The following PREX1 variants were observed in gnomAD, a reference collection of about 807,000 sequenced individuals.
The protein encoded by PREX1 is phosphatidylinositol 3,4,5-trisphosphate-dependent Rac exchanger 1 protein.
Under a neutral mutation model 198.3 loss-of-function variants are expected in PREX1, and 41 were observed. The observed-to-expected ratio is 0.21, with a 90% CI of 0.16 to 0.27. The LOEUF (loss-of-function observed/expected upper bound fraction) is 0.27, where lower values mean the gene tolerates loss of function less well. PREX1 is among the 10% of genes least tolerant of loss of function. The pLI is 1.00. For synonymous variants in PREX1, 843 were observed against 887.2 expected, an observed-to-expected ratio of 0.95 and a Z score of 0.89; for missense variants, 1,620 against 2,200.7, an observed-to-expected ratio of 0.74 and a Z score of 5.28.
At chr20:48,746,548 C>T (rs1324706562) in intron 2 of PREX1, among the ~76,000 whole-genome samples, 1 of 152,098 alleles carries the variant, frequency 6.6e-6, no homozygotes, top group African/African-American at 2.4e-5. Flanking sequence ...ATTTCAAGAA[C>T]AGGCAAAACC....
intron 7 of PREX1, among the ~76,000 whole-genome samples, chr20:48,696,760 G>A (rs2123058548): frequency 6.6e-6 from 1 of 152,280 alleles, no homozygotes; most frequent in Non-Finnish European, 1.5e-5. Flanking sequence ...TAGTTGGTAT[G>A]GGGATAATGA....
At chr20:48,812,388 AATAAT>A (rs1163870665) in intron 1 of PREX1, among the ~76,000 whole-genome samples, 1 of 151,608 alleles carries the variant, frequency 6.6e-6, no homozygotes, top group Non-Finnish European at 1.5e-5. Context: ...GGAATGGGTA[AATAAT>A]ATAAGAGGAA....
intron 1 of PREX1, among the ~76,000 whole-genome samples, chr20:48,764,665 C>A (rs2090199622): frequency 6.6e-6 from 1 of 151,866 alleles, no homozygotes; most frequent in African/African-American, 2.4e-5. Flanking sequence ...CACCTGTGGT[C>A]CCAGCTCTTG....
At chr20:48,852,025 C>T in the PREX1 span, among the ~76,000 whole-genome samples, 4 of 151,994 alleles carry the variant, frequency 2.6e-5, no homozygotes, top group South Asian at 2.1e-4. Context: ...TTAGCCCAAA[C>T]GTGTTTTGCT....
intron 1 of PREX1, among the ~76,000 whole-genome samples, chr20:48,821,036 C>A (rs1317470343): frequency 6.6e-6 from 1 of 152,090 alleles, no homozygotes; most frequent in Non-Finnish European, 1.5e-5. Context: ...CCTGTCTCTA[C>A]TAAAAAAATA....
intron 7 of PREX1, among the ~76,000 whole-genome samples, chr20:48,698,822 A>G (rs2089860232): frequency 1.3e-5 from 2 of 152,178 alleles, no homozygotes; most frequent in South Asian, 4.1e-4. Flanking sequence ...TGTGCTGTGC[A>G]CTCACTATGT....
Position 48,627,678 on chromosome 20 carries a change from G to C in PREX1, c.4870-63C>G, listed in dbSNP as rs80011299. On this transcript the variant is annotated intron_variant, in intron 38 of 39. Transcript: ENST00000371941. The stretch of plus-strand genomic sequence containing the variant: ...TTCAGGGCACGTGAGGAAGCACACT[G>C]GGGGGTGGGGGTGGGGCCCAGAAGC... 3,894 of 1,526,558 alleles carry C rather than the reference G, an allele frequency of 2.6e-3. 57 individuals carry two copies. The East Asian group carries it at 0.057, about 23-fold the overall frequency. The allele number at this position is 1,526,558 out of a possible 1,614,324, so 94.6% of individuals were successfully genotyped here. A position where few individuals can be genotyped will look rare whatever the true frequency, so the allele number is the denominator to read the frequency against.
At chr20:48,674,194 T>C (rs1010834885) in intron 14 of PREX1, among the ~76,000 whole-genome samples, 2 of 152,354 alleles carry the variant, frequency 1.3e-5, no homozygotes, top group South Asian at 2.1e-4. Context: ...TCCCATATCA[T>C]AGCAAACATA....
At chr20:48,708,632 G>A (rs2089914673) in intron 5 of PREX1, among the ~76,000 whole-genome samples, 2 of 152,192 alleles carry the variant, frequency 1.3e-5, no homozygotes, top group South Asian at 4.1e-4. Context: ...ATCAGAATGA[G>A]GGAGAGGGAA....
rs188554981 is a variant in PREX1, at chr20:48,793,118, T to C, written c.219+34524A>G. ...TACTTGGAAGGCTGAGGGGGGAGAA[T>C]TGCTTGAACCGGAAGGCAGAGGCTA... On this transcript the variant is annotated intron_variant, in intron 1 of 39. Transcript: ENST00000371941. Among the ~76,000 whole-genome samples, 271 of 152,102 alleles carry C rather than the reference T, an allele frequency of 1.8e-3. 1 individual carries two copies. Among genetic ancestry groups the C allele is most frequent in the African/African-American group, 5.8e-3 (240 of 41,468 alleles).
At chr20:48,781,525 C>A (rs892947899) in intron 1 of PREX1, among the ~76,000 whole-genome samples, 1 of 152,170 alleles carries the variant, frequency 6.6e-6, no homozygotes, top group African/African-American at 2.4e-5. Context: ...GCTGACACCC[C>A]ACTCCTCCCC....
At position 48,691,176 on chromosome 20, in the gene PREX1, C is replaced by T; in HGVS notation, c.1037-80G>A. On this transcript the variant is annotated intron_variant, in intron 8 of 39. Coordinates refer to ENST00000371941, the MANE Select transcript of PREX1 (RefSeq NM_020820.4). The surrounding 1 kb of genome is among the most constrained non-coding windows in gnomAD (Gnocchi z 5.0). ...CACTCCCCATTGCCAAGCCCTTCCG[C>T]CCCAGCACAGGCAGGGCCCTCGCCT... The T allele has an allele frequency of 1.3e-6, 2 of 1,574,722 alleles. No individual in the cohort carries two copies. Among genetic ancestry groups the T allele is most frequent in the Non-Finnish European group, 1.7e-6 (2 of 1,148,164 alleles).
intron 7 of PREX1, among the ~76,000 whole-genome samples, chr20:48,698,281 G>A (rs2089857041): frequency 6.6e-6 from 1 of 152,208 alleles, no homozygotes; most frequent in Non-Finnish European, 1.5e-5. Flanking sequence ...GACGGCCCCA[G>A]AGGAGGCAGA....
chr20:48,726,379 G>A lies in PREX1; in HGVS notation c.532C>T (p.Leu178=). 1 of 1,612,940 alleles carries A rather than the reference G, an allele frequency of 6.2e-7. No homozygotes were observed. The highest frequency in any genetic ancestry group is 8.5e-7 in the Non-Finnish European group (1 of 1,179,514). Residue 178 remains leucine (L), a synonymous_variant, in exon 5 of 40, where the codon CTG becomes TTG. Coordinates refer to ENST00000371941, the MANE Select transcript of PREX1 (RefSeq NM_020820.4). ...VRAFLLSCML[L]GGRKTTDIPL... is the part of the protein sequence containing the mutation. ...ATGTCCGTGGTCTTCCGGCCTCCCA[G>A]AAGCATGCAGCTCTGCAAAGGGACA...
chr20:48,689,384 G>C (rs141751780), intron 9 of PREX1, among the ~76,000 whole-genome samples: 2 of 152,172 alleles, frequency 1.3e-5, no homozygotes, highest in East Asian at 3.8e-4. Context: ...AATTATCCCC[G>C]TTTTACAGAT....
At chr20:48,748,245 T>G (rs6095279) in intron 1 of PREX1, among the ~76,000 whole-genome samples, 62,239 of 151,944 alleles carry the variant, frequency 0.41, 13,071 homozygotes, top group Admixed American at 0.46. Context: ...CATTTCCCCT[T>G]TCAATTTTTT....
the PREX1 span, among the ~76,000 whole-genome samples, chr20:48,888,181 G>A: frequency 2.0e-3 from 298 of 152,196 alleles, 2 homozygotes; most frequent in African/African-American, 6.5e-3. Flanking sequence ...AAGAAAGAAT[G>A]AGGGAAGAAG....
At chr20:48,636,219 CTG>C (rs758522842) in intron 32 of PREX1, among the ~76,000 whole-genome samples, 33 of 152,350 alleles carry the variant, frequency 2.2e-4, no homozygotes, top group South Asian at 6.2e-4. Context: ...ATTCTGTTAT[CTG>C]TGTGTGTGTG....
intron 19 of PREX1, among the ~76,000 whole-genome samples, chr20:48,653,933 GC>G (rs2089522268): frequency 6.6e-6 from 1 of 152,230 alleles, no homozygotes; most frequent in Non-Finnish European, 1.5e-5. Flanking sequence ...AGGTTTTTCA[GC>G]TATTCCACAA....
Sources: gnomAD v4.1 joint callset for allele counts (sites outside exome capture counted in the v4.1 genomes callset) on GRCh38, gnomAD v4.1.1 for gene constraint, Gnocchi (gnomAD v3.1) non-coding constraint, MANE v1.5 for transcripts, NCBI Gene and HGNC (gene_info 2026-07-23, HGNC 2026-07-21) for gene names.